TAOK3: variants seen among roughly 807,000 people sequenced by gnomAD.
TAOK3 encodes the protein TAO kinase 3, also known as serine/threonine-protein kinase TAO3.
In TAOK3, 40 loss-of-function variants were observed where a neutral mutation model predicts 120.4. The observed-to-expected ratio is 0.33, with a 90% confidence interval of 0.26 to 0.43. The LOEUF (loss-of-function observed/expected upper bound fraction) is 0.43. Ranked by LOEUF, TAOK3 falls within the 20% of genes least tolerant of loss-of-function variation. The pLI is 1.00. For synonymous variants in TAOK3, 355 were observed against 387.5 expected, an observed-to-expected ratio of 0.92 and a Z score of 0.99; for missense variants, 821 against 1,112.1, an observed-to-expected ratio of 0.74 and a Z score of 3.72.
At chr12:118,263,932 G>T (rs2041336310) in intron 2 of TAOK3, among the ~76,000 whole-genome samples, 2 of 152,162 alleles carry the variant, frequency 1.3e-5, no homozygotes. Context: ...CATGTGTTGT[G>T]GTGAGCGCCT....
chr12:118,200,338 T>C (rs1011227655), intron 12 of TAOK3: 1 of 152,110 alleles, frequency 6.6e-6, no homozygotes, highest in Admixed American at 6.5e-5. Context: ...CTTTCTTCTA[T>C]CTTCGGTGCC....
intron 3 of TAOK3, among the ~76,000 whole-genome samples, chr12:118,250,437 A>C (rs1286578982): frequency 6.6e-6 from 1 of 152,204 alleles, no homozygotes; most frequent in Non-Finnish European, 1.5e-5. Context: ...TCAGTGTAAA[A>C]AGCTGTGACC....
rs2036710872 is a variant in TAOK3 at position 118,181,352 on chromosome 12, CGT to C, written c.1566+17_1566+18del. On this transcript the variant is annotated intron_variant, in intron 15 of 20. Transcript: ENST00000392533. ...GCTGGGCTTGGTTGTGGCATGAAGG[CGT>C]GTGTGCACATACTGACCTCCTTTTC... is the stretch of plus-strand genomic sequence containing the variant. 1.9e-6 allele frequency: 3 copies of C among 1,586,792 alleles called. No homozygotes were observed. The highest frequency in any genetic ancestry group is 1.7e-4 in the Middle Eastern group (1 of 5,998).
In TAOK3 at chr12:118,189,906, G is replaced by A. The variant is rs752661527; in HGVS notation, c.1230C>T (p.Gly410=). 9 of 1,614,156 alleles carry A rather than the reference G, an allele frequency of 5.6e-6. No individual in the cohort carries two copies. In the South Asian group the frequency reaches 8.8e-5, roughly 16 times the overall value. Residue 410 remains glycine (G), a synonymous_variant, in exon 14 of 21, where the codon GGC becomes GGT. Transcript: ENST00000392533. The part of the protein sequence containing the change: ...HVFIRDEAGH[G]DPRPEPRPTQ... ...TAGGCCGCGGCTCAGGCCTGGGATC[G>A]CCGTGGCCCGCCTCATCCCTTATGA...
At chr12:118,176,486 G>A (rs998224967) in intron 16 of TAOK3, among the ~76,000 whole-genome samples, 4 of 152,104 alleles carry the variant, frequency 2.6e-5, no homozygotes, top group African/African-American at 9.7e-5. Flanking sequence ...CCAGATTTAT[G>A]GTTTGAAAAG....
chr12:118,331,783 AACCT>A (rs2044160931), intron 1 of TAOK3, among the ~76,000 whole-genome samples: 1 of 151,950 alleles, frequency 6.6e-6, no homozygotes, highest in Non-Finnish European at 1.5e-5. Flanking sequence ...AGCATTTTGA[AACCT>A]ATGAAGGTAA....
At chr12:118,189,238 G>A (rs1433094697) in intron 14 of TAOK3, among the ~76,000 whole-genome samples, 5 of 152,072 alleles carry the variant, frequency 3.3e-5, no homozygotes, top group African/African-American at 7.2e-5. Flanking sequence ...CCAGCAATCC[G>A]TCCCTGGGAA....
intron 5 of TAOK3, among the ~76,000 whole-genome samples, chr12:118,240,398 C>CA (rs2040198701): frequency 1.3e-5 from 2 of 151,908 alleles, no homozygotes; most frequent in Admixed American, 1.3e-4. Context: ...AGGCTGGTCT[C>CA]AAACTCCTGA....
chr12:118,219,014 A>C (rs997059577), intron 9 of TAOK3, among the ~76,000 whole-genome samples: 9 of 152,256 alleles, frequency 5.9e-5, no homozygotes, highest in South Asian at 2.1e-4. Context: ...GTAACCATCA[A>C]TGGCTTCCCA....
chr12:118,301,882 A>ATT (rs1316302345), intron 1 of TAOK3, among the ~76,000 whole-genome samples: 1 of 151,950 alleles, frequency 6.6e-6, no homozygotes, highest in Admixed American at 6.6e-5. Context: ...TCAAAGCACA[A>ATT]TAAGGGTTAA....
rs114126414 is a variant in TAOK3 at position 118,193,381 on chromosome 12, C to A, written c.1195-3440G>T. Among the ~76,000 whole-genome samples the A allele has an allele frequency of 8.6e-3, 1,312 of 152,176 alleles. 12 individuals are homozygous for A. Among genetic ancestry groups the A allele is most frequent in the African/African-American group, 0.029 (1,208 of 41,504 alleles). On this transcript the variant is annotated intron_variant, in intron 13 of 20. Transcript: ENST00000392533. ...TTGTTTCATCATAAAAAATAAATTT[C>A]TTCAGATTAAAAAGGAAGCTGTCAT...
At chr12:118,156,747 T>G in intron 19 of TAOK3, among the ~76,000 whole-genome samples, 1 of 152,038 alleles carries the variant, frequency 6.6e-6, no homozygotes, top group Admixed American at 6.6e-5. Context: ...ATTTTTGTTT[T>G]TTTTTTAGAT....
chr12:118,213,948 T>C (rs1433467020), intron 10 of TAOK3, 69 bp downstream of exon 10: 6 of 1,323,796 alleles, frequency 4.5e-6, no homozygotes, highest in East Asian at 2.3e-5. Context: ...ATTTAAAATG[T>C]AATGTAATAA....
intron 2 of TAOK3, among the ~76,000 whole-genome samples, chr12:118,261,853 T>C (rs1027326839): frequency 1.3e-5 from 2 of 151,914 alleles, no homozygotes; most frequent in African/African-American, 4.8e-5. Context: ...CATAAAATGA[T>C]TACACTTCTT....
chr12:118,299,306 A>G (rs1315081604), intron 1 of TAOK3, among the ~76,000 whole-genome samples: 1 of 152,246 alleles, frequency 6.6e-6, no homozygotes, highest in Non-Finnish European at 1.5e-5. Context: ...CACAAAAAAC[A>G]TTCAACAAAC....
intron 1 of TAOK3, among the ~76,000 whole-genome samples, chr12:118,322,207 C>G (rs1279658818): frequency 2.0e-5 from 3 of 149,838 alleles, no homozygotes; most frequent in Non-Finnish European, 4.4e-5. Flanking sequence ...CCCAGCTACT[C>G]TGGAGGCTGA....
At chr12:118,158,421 C>T (rs2034986695) in intron 19 of TAOK3, among the ~76,000 whole-genome samples, 1 of 152,220 alleles carries the variant, frequency 6.6e-6, no homozygotes, top group Non-Finnish European at 1.5e-5. Flanking sequence ...TGGTCACCCA[C>T]AAAACGCAGA....
chr12:118,304,633 A>G (rs1378166314), intron 1 of TAOK3, among the ~76,000 whole-genome samples: 1 of 152,246 alleles, frequency 6.6e-6, no homozygotes, highest in Non-Finnish European at 1.5e-5. Flanking sequence ...GATACATATT[A>G]TCTACACTGC....
intron 2 of TAOK3, among the ~76,000 whole-genome samples, chr12:118,264,385 T>A (rs11068893): frequency 0.054 from 8,286 of 152,116 alleles, 461 homozygotes; most frequent in East Asian, 0.25. Context: ...AACTCAGCAA[T>A]AAAATAAACT....
Sources: gnomAD v4.1 joint callset for allele counts (sites outside exome capture counted in the v4.1 genomes callset) on GRCh38, gnomAD v4.1.1 for gene constraint, MANE v1.5 for transcripts, NCBI Gene and HGNC (gene_info 2026-07-23, HGNC 2026-07-21) for gene names.